The following PDZD2 variants were observed in gnomAD, a reference collection of about 807,000 sequenced individuals.
PDZD2 encodes the protein PDZ domain containing 2.
PDZD2 carries 90 observed loss-of-function variants against 220.7 expected under a neutral mutation model. That is an observed-to-expected ratio of 0.41 (90% CI 0.34 to 0.49). PDZD2 has a LOEUF of 0.49. PDZD2 is among the 20% of genes least tolerant of loss of function. The probability of loss-of-function intolerance (pLI) is 0.28; values close to 1 mark genes in which losing one functional copy is unlikely to be tolerated. For synonymous variants in PDZD2, 1,375 were observed against 1,450.5 expected, an observed-to-expected ratio of 0.95 and a Z score of 1.18; for missense variants, 3,174 against 3,608.5, an observed-to-expected ratio of 0.88 and a Z score of 3.08.
chr5:31,737,328 A>T (rs538516904), intron 1 of PDZD2, among the ~76,000 whole-genome samples: 2 of 151,508 alleles, frequency 1.3e-5, no homozygotes, highest in African/African-American at 4.8e-5. Flanking sequence ...GCCCACCACC[A>T]CGCCCAGCTA....
rs149433149 is a variant in PDZD2 at position 32,089,263 on chromosome 5, G to C, written c.5815G>C (p.Asp1939His). 22 of 1,613,958 alleles carry C rather than the reference G, an allele frequency of 1.4e-5. No homozygotes were observed. The highest frequency in any genetic ancestry group is 1.5e-5 in the Non-Finnish European group (18 of 1,180,022). ...KAVSQRLHVA[D>H]HEDPDRNTTA... Reference sequence around the variant, plus strand: ...AGTGTCACAGCGGCTCCATGTAGCCGACCACGAGGACCCTGACAGAAACAC... The same window carrying C: ...AGTGTCACAGCGGCTCCATGTAGCCCACCACGAGGACCCTGACAGAAACAC... Residue 1939 changes from aspartate (D) to histidine (H), a missense_variant, in exon 20 of 25, where the codon GAC becomes CAC. Asp to His is a moderately conservative substitution (Grantham distance 81). Coordinates refer to ENST00000438447, the MANE Select transcript of PDZD2 (RefSeq NM_178140.4).
intron 2 of PDZD2, among the ~76,000 whole-genome samples, chr5:31,837,013 CTTAAAAGA>C (rs1222305854): frequency 8.3e-6 from 1 of 120,122 alleles, no homozygotes; most frequent in Non-Finnish European, 1.6e-5. Flanking sequence ...GCGAGACTGT[CTTAAAAGA>C]AAGAAAGAAA....
intron 1 of PDZD2, among the ~76,000 whole-genome samples, chr5:31,788,180 G>A (rs1386748845): frequency 4.0e-5 from 6 of 150,920 alleles, no homozygotes; most frequent in Non-Finnish European, 5.9e-5. Flanking sequence ...AGACCAGCCC[G>A]GCCAATATGG....
At chr5:31,766,441 G>A (rs1752015920) in intron 1 of PDZD2, among the ~76,000 whole-genome samples, 1 of 152,032 alleles carries the variant, frequency 6.6e-6, no homozygotes, top group Non-Finnish European at 1.5e-5. Context: ...GTGCAGTGGT[G>A]CGGGATCATG....
chr5:32,061,152 C>G lies in PDZD2; in HGVS notation c.2451+18C>G. ...ATCCAAAGGTGAGGTGGTCCACCCT[C>G]TTCTGAACGTGGGAAGATGATACAC... On this transcript the variant is annotated intron_variant, in intron 14 of 24. Transcript: ENST00000438447. 6.2e-7 allele frequency: 1 copy of G among 1,613,332 alleles called. No individual in the cohort carries two copies. The highest frequency in any genetic ancestry group is 2.2e-5 in the East Asian group (1 of 44,882).
intron 1 of PDZD2, among the ~76,000 whole-genome samples, chr5:31,760,630 T>G (rs982427658): frequency 6.6e-6 from 1 of 152,110 alleles, no homozygotes; most frequent in Admixed American, 6.5e-5. Context: ...TAAATATTTG[T>G]TAAGTGAGAG....
In PDZD2 at chr5:31,780,217, G is replaced by A. The variant is rs530331022; in HGVS notation, c.-360-18672G>A. Among the ~76,000 whole-genome samples the A allele has an allele frequency of 7.2e-5, 11 of 152,186 alleles. No homozygotes were observed. The East Asian group carries it at 9.7e-4, about 13-fold the overall frequency. ...CTCAATAGTCACTGGAGGGGAAGGC[G>A]GCAGGAAAAGTCAAGCACGTGAGAG... On this transcript the variant is annotated intron_variant, in intron 1 of 24. Transcript: ENST00000438447.
intron 2 of PDZD2, among the ~76,000 whole-genome samples, chr5:31,953,678 G>A (rs375598836): frequency 7.6e-6 from 1 of 131,416 alleles, no homozygotes; most frequent in Non-Finnish European, 1.6e-5. Context: ...TTTTTTTTGA[G>A]ACAGTCTCAA....
intron 2 of PDZD2, among the ~76,000 whole-genome samples, chr5:31,888,859 G>A (rs777424495): frequency 2.6e-5 from 4 of 152,140 alleles, no homozygotes; most frequent in Non-Finnish European, 5.9e-5. Context: ...TCACCATCGG[G>A]AGAGTGGTCC....
At position 31,794,452 on chromosome 5, in the gene PDZD2, G is replaced by A. The variant is rs565072533; in HGVS notation, c.-360-4437G>A. On this transcript the variant is annotated intron_variant, in intron 1 of 24. Coordinates refer to ENST00000438447, the MANE Select transcript of PDZD2 (RefSeq NM_178140.4). Reference sequence around the variant, plus strand: ...GTCTTGCTCTGTCGCCCAGGCTGGAGTGCAGTGGCACGATCTCGGCTCACT... The same window carrying A: ...GTCTTGCTCTGTCGCCCAGGCTGGAATGCAGTGGCACGATCTCGGCTCACT... 6.4e-4 allele frequency among the ~76,000 whole-genome samples: 90 copies of A among 140,444 alleles called. 1 individual carries two copies. In the Middle Eastern group the frequency reaches 0.015, roughly 24 times the overall value. 92.1% of individuals were successfully genotyped at this position (140,444 alleles called of 152,430 possible). A position where few individuals can be genotyped will look rare whatever the true frequency, so the allele number is the denominator to read the frequency against.
intron 2 of PDZD2, among the ~76,000 whole-genome samples, chr5:31,809,747 C>T (rs757223225): frequency 6.6e-6 from 1 of 152,208 alleles, no homozygotes; most frequent in Non-Finnish European, 1.5e-5. Context: ...GCCACATGCA[C>T]AGCTGCTTTT....
At chr5:31,736,290 AG>A (rs1749857619) in intron 1 of PDZD2, among the ~76,000 whole-genome samples, 1 of 152,184 alleles carries the variant, frequency 6.6e-6, no homozygotes, top group Non-Finnish European at 1.5e-5. Context: ...AAGTCTGCAC[AG>A]GGCTCGTGGG....
intron 2 of PDZD2, among the ~76,000 whole-genome samples, chr5:31,906,569 G>T (rs1043774331): frequency 6.6e-6 from 1 of 152,086 alleles, no homozygotes; most frequent in Non-Finnish European, 1.5e-5. Context: ...ATAGCCGGGT[G>T]CAGTGGCTCA....
intron 2 of PDZD2, among the ~76,000 whole-genome samples, chr5:31,866,022 G>T (rs1485163288): frequency 3.6e-5 from 5 of 140,804 alleles, no homozygotes; most frequent in Non-Finnish European, 7.6e-5. Context: ...GTTTTTTTTT[G>T]AGATAGGGTC....
chr5:31,655,605 A>G (rs1317109783), intron 1 of PDZD2, among the ~76,000 whole-genome samples: 1 of 151,554 alleles, frequency 6.6e-6, no homozygotes. Context: ...TTGATGTATC[A>G]TCAACACTTA....
chr5:31,796,138 C>T (rs749755337), intron 1 of PDZD2, among the ~76,000 whole-genome samples: 14 of 152,144 alleles, frequency 9.2e-5, no homozygotes, highest in Non-Finnish European at 1.9e-4. Flanking sequence ...ATTAACAACT[C>T]GAGTTGCAAA....
intron 2 of PDZD2, among the ~76,000 whole-genome samples, chr5:31,897,743 C>CAT (rs1741700398): frequency 6.8e-6 from 1 of 146,836 alleles, no homozygotes. Context: ...TGACTGTTGG[C>CAT]TTTTTTTTTT....
intron 6 of PDZD2, among the ~76,000 whole-genome samples, chr5:32,024,300 C>A (rs554024972): frequency 6.6e-6 from 1 of 152,114 alleles, no homozygotes; most frequent in Non-Finnish European, 1.5e-5. Context: ...TCCCTCAAGC[C>A]GCAAAAGTTA....
At position 32,089,612 on chromosome 5, in the gene PDZD2, C is replaced by T; in HGVS notation, c.6164C>T (p.Pro2055Leu). The stretch of plus-strand genomic sequence containing the variant: ...GTGGCAGGGAACAGACAGAGTGAGC[C>T]GCGCCTGGCCAGCCATGTGGCAGCA... ...MSVAGNRQSE[P>L]RLASHVAADT... Residue 2055 changes from proline to leucine, a missense_variant, in exon 20 of 25, where the codon CCG becomes CTG. Physicochemically the swap from Pro to Leu is moderately conservative, Grantham distance 98. Around this residue, in one of 4 missense-constraint regions of PDZD2, gnomAD observed 1,861 missense variants for 2,001.0 expected, o/e 0.93. Coordinates refer to ENST00000438447, the MANE Select transcript of PDZD2 (RefSeq NM_178140.4). 5.6e-6 allele frequency: 9 copies of T among 1,613,016 alleles called. No homozygotes were observed. Among genetic ancestry groups the T allele is most frequent in the Middle Eastern group, 3.3e-4 (2 of 6,062 alleles).
Sources: gnomAD v4.1 joint callset for allele counts (sites outside exome capture counted in the v4.1 genomes callset) on GRCh38, gnomAD v4.1.1 for gene constraint, gnomAD v4.1.1 regional missense constraint, MANE v1.5 for transcripts, NCBI Gene and HGNC (gene_info 2026-07-23, HGNC 2026-07-21) for gene names.